The following RNF10 variants were observed in gnomAD, a reference collection of about 807,000 sequenced individuals.
RNF10 encodes E3 ubiquitin-protein ligase RNF10.
Under a neutral mutation model 91.4 loss-of-function variants are expected in RNF10, and 38 were observed. The ratio of observed to expected loss-of-function variants is 0.42; its 90% confidence interval spans 0.32 to 0.54. The LOEUF is 0.54. Among genes scored for constraint, RNF10 ranks in the 20% least tolerant of loss-of-function variants. The pLI is 0.16. For missense variants in RNF10, 945 were observed against 1,012.0 expected, an observed-to-expected ratio of 0.93 and a Z score of 0.90; for synonymous variants, 364 against 366.3, an observed-to-expected ratio of 0.99 and a Z score of 0.07.
intron 14 of RNF10, 130 bp downstream of exon 14, chr12:120,571,421 G>A (rs1016653550): frequency 2.9e-6 from 2 of 694,578 alleles, no homozygotes; most frequent in East Asian, 2.7e-5. Flanking sequence ...GTCATCTGAT[G>A]GGTAGGAGGG....
In RNF10 at chr12:120,563,064, C is replaced by G; in HGVS notation, c.1248C>G (p.Pro416=). ...TGGCGAAGGAGTCTGTTTTTCAACCCAGGAAGGTTAGTGTGTTCCTGTTAC... is the reference window on the plus strand; with the variant it reads ...TGGCGAAGGAGTCTGTTTTTCAACCGAGGAAGGTTAGTGTGTTCCTGTTAC... The part of the protein sequence containing the change: ...APLAKESVFQ[P]RKGVLEYLSA... Residue 416 remains proline (P), a synonymous_variant, in exon 8 of 17, where the codon CCC becomes CCG. Coordinates refer to ENST00000325954, the MANE Select transcript of RNF10 (RefSeq NM_014868.5). 1.2e-6 allele frequency: 2 copies of G among 1,614,056 alleles called. No individual in the cohort carries two copies. Among genetic ancestry groups the G allele is most frequent in the Non-Finnish European group, 1.7e-6 (2 of 1,179,974 alleles).
intron 14 of RNF10, 72 bp from the exon 15 acceptor site, chr12:120,575,559 C>A: frequency 6.5e-7 from 1 of 1,541,576 alleles, no homozygotes; most frequent in Non-Finnish European, 9.0e-7. Flanking sequence ...TCCAGTTAGT[C>A]AAGGTAGGTC....
At chr12:120,555,262 A>T (rs1167714) in intron 4 of RNF10, among the ~76,000 whole-genome samples, 1 of 151,658 alleles carries the variant, frequency 6.6e-6, no homozygotes, top group Non-Finnish European at 1.5e-5. Flanking sequence ...GCTCACTGCA[A>T]CCTCTGCCTC....
chr12:120,548,756 T>G (rs1872654930), intron 2 of RNF10, among the ~76,000 whole-genome samples: 1 of 151,664 alleles, frequency 6.6e-6, no homozygotes. Flanking sequence ...GCTCTTGGGT[T>G]CACGCCATTC....
At chr12:120,536,575 T>C (rs1344685008) in intron 1 of RNF10, among the ~76,000 whole-genome samples, 2 of 152,114 alleles carry the variant, frequency 1.3e-5, no homozygotes, top group African/African-American at 4.8e-5. Context: ...TCTCGGGCCG[T>C]GTCAGGAAAT....
intron 14 of RNF10, among the ~76,000 whole-genome samples, chr12:120,574,091 A>C (rs1164859837): frequency 6.6e-6 from 1 of 152,024 alleles, no homozygotes; most frequent in Non-Finnish European, 1.5e-5. Flanking sequence ...AGATTTTAAC[A>C]TGAGGCTTGG....
At chr12:120,535,628 A>G (rs530347362) in intron 1 of RNF10, 1 of 152,354 alleles carries the variant, frequency 6.6e-6, no homozygotes, top group Admixed American at 6.5e-5. Context: ...AAAACAAAAC[A>G]AATGAACTAA....
intron 4 of RNF10, among the ~76,000 whole-genome samples, chr12:120,555,035 T>G (rs936677819): frequency 6.6e-6 from 1 of 152,194 alleles, no homozygotes; most frequent in Non-Finnish European, 1.5e-5. Context: ...TCTGAAGATG[T>G]GTAAGCTGGG....
At chr12:120,536,496 C>T (rs1445188053) in intron 1 of RNF10, among the ~76,000 whole-genome samples, 2 of 152,138 alleles carry the variant, frequency 1.3e-5, no homozygotes, top group Non-Finnish European at 2.9e-5. Flanking sequence ...GGTCTGCTAA[C>T]TCGCTCAGAG....
At chr12:120,536,519 A>G (rs1233096475) in intron 1 of RNF10, among the ~76,000 whole-genome samples, 1 of 152,200 alleles carries the variant, frequency 6.6e-6, no homozygotes, top group Non-Finnish European at 1.5e-5. Flanking sequence ...CACCTGCTGG[A>G]TATGGCAAAC....
At chr12:120,562,427 A>G (rs1008994111) in intron 7 of RNF10, among the ~76,000 whole-genome samples, 2 of 151,000 alleles carry the variant, frequency 1.3e-5, no homozygotes, top group African/African-American at 2.4e-5. Flanking sequence ...GGCATGCCCC[A>G]CCATGCCTGG....
chr12:120,538,544 T>C (rs542693375), intron 1 of RNF10, among the ~76,000 whole-genome samples: 1 of 152,292 alleles, frequency 6.6e-6, no homozygotes, highest in African/African-American at 2.4e-5. Context: ...ATTCCAGTAG[T>C]GTTAATAGGT....
chr12:120,539,376 A>T (rs961878148), intron 1 of RNF10: 8 of 1,286,318 alleles, frequency 6.2e-6, no homozygotes, highest in Non-Finnish European at 7.1e-6. Flanking sequence ...AGAATTACTA[A>T]TTTCAGCTGG....
chr12:120,555,445 G>A (rs913968574), intron 4 of RNF10, among the ~76,000 whole-genome samples: 2 of 151,188 alleles, frequency 1.3e-5, no homozygotes, highest in African/African-American at 4.9e-5. Flanking sequence ...GCCTCCCAAA[G>A]TGTTGGGGTT....
intron 1 of RNF10, among the ~76,000 whole-genome samples, chr12:120,543,179 A>G (rs994824762): frequency 3.3e-5 from 5 of 152,230 alleles, no homozygotes; most frequent in African/African-American, 1.2e-4. Context: ...TTACCAAGAA[A>G]TAATTTTTTC....
In RNF10 at chr12:120,534,671, G is replaced by C. The variant is rs1870461272; in HGVS notation, c.-141G>C. The stretch of plus-strand genomic sequence containing the variant: ...TTCTCTTCCTAGTTTGAGAAGCCAA[G>C]GAAGGAAACAGGGAAAAATGTCGCC... On this transcript the variant is annotated 5_prime_UTR_variant, in exon 1 of 17. Transcript: ENST00000325954. 1.5e-6 allele frequency: 2 copies of C among 1,374,798 alleles called. No homozygotes were observed. The highest frequency in any genetic ancestry group is 1.5e-5 in the African/African-American group (1 of 64,852). 85.2% of individuals were successfully genotyped at this position (1,374,798 alleles called of 1,614,324 possible). A position where few individuals can be genotyped will look rare whatever the true frequency, so the allele number is the denominator to read the frequency against.
At chr12:120,557,506 T>C (rs756533232) in intron 5 of RNF10, 40 bp downstream of exon 5, 7 of 1,613,802 alleles carry the variant, frequency 4.3e-6, no homozygotes, top group Non-Finnish European at 5.9e-6. Flanking sequence ...CCCAATCTCT[T>C]CACTCCTTGC....
At chr12:120,542,080 A>G (rs1645891157) in intron 1 of RNF10, among the ~76,000 whole-genome samples, 1 of 151,336 alleles carries the variant, frequency 6.6e-6, no homozygotes, top group Non-Finnish European at 1.5e-5. Flanking sequence ...GTTAGCCAGG[A>G]TGGTCTTGAT....
At chr12:120,563,184 T>C in intron 8 of RNF10, 114 bp downstream of exon 8, 1 of 1,516,590 alleles carries the variant, frequency 6.6e-7, no homozygotes, top group Non-Finnish European at 9.1e-7. Flanking sequence ...AATGAGTATT[T>C]TCTGTATGCT....
Sources: allele counts gnomAD v4.1 joint callset (sites outside exome capture counted in the v4.1 genomes callset), GRCh38; gene constraint gnomAD v4.1.1; transcripts MANE v1.5; gene names NCBI Gene and HGNC (gene_info 2026-07-23, HGNC 2026-07-21).